TTC28: variants seen among roughly 807,000 people sequenced by gnomAD.
TTC28 encodes the protein tetratricopeptide repeat protein 28.
TTC28 carries 61 observed loss-of-function variants against 198.0 expected under a neutral mutation model. The ratio of observed to expected loss-of-function variants is 0.31; its 90% CI spans 0.25 to 0.38. The LOEUF (loss-of-function observed/expected upper bound fraction) is 0.38, where lower values mean the gene tolerates loss of function less well. TTC28 is among the 10% of genes least tolerant of loss of function. The pLI is 1.00. For missense variants in TTC28, 2,678 were observed against 3,164.0 expected, an observed-to-expected ratio of 0.85 and a Z score of 3.69; for synonymous variants, 1,171 against 1,297.8, an observed-to-expected ratio of 0.90 and a Z score of 2.10.
chr22:28,580,929 T>A (rs1302404053), intron 2 of TTC28, among the ~76,000 whole-genome samples: 4 of 152,122 alleles, frequency 2.6e-5, no homozygotes, highest in Non-Finnish European at 5.9e-5. Context: ...TCAAATACTC[T>A]CATTCTATTA....
intron 2 of TTC28, among the ~76,000 whole-genome samples, chr22:28,385,365 T>C (rs1345946343): frequency 6.6e-6 from 1 of 150,408 alleles, no homozygotes; most frequent in Admixed American, 6.6e-5. Context: ...CCCAAGTAGC[T>C]AGGATTACAA....
At chr22:28,078,285 A>C (rs1016052306) in intron 12 of TTC28, among the ~76,000 whole-genome samples, 1 of 152,158 alleles carries the variant, frequency 6.6e-6, no homozygotes, top group South Asian at 2.1e-4. Flanking sequence ...GTGTCTCCCA[A>C]GGCATAGAGA....
At chr22:28,145,999 G>T (rs1943461439) in intron 6 of TTC28, among the ~76,000 whole-genome samples, 1 of 152,188 alleles carries the variant, frequency 6.6e-6, no homozygotes, top group Non-Finnish European at 1.5e-5. Context: ...AAGCGGCATA[G>T]TTAGGATCTA....
chr22:28,341,997 A>T (rs1189439892), intron 2 of TTC28, among the ~76,000 whole-genome samples: 1 of 152,046 alleles, frequency 6.6e-6, no homozygotes, highest in Non-Finnish European at 1.5e-5. Context: ...ACAGAAAAAA[A>T]TTTAAAAAAC....
intron 2 of TTC28, among the ~76,000 whole-genome samples, chr22:28,373,921 G>A (rs910860179): frequency 2.6e-5 from 4 of 152,142 alleles, no homozygotes; most frequent in Admixed American, 6.5e-5. Context: ...AATGGGAAAC[G>A]TCCATCCTTT....
intron 2 of TTC28, among the ~76,000 whole-genome samples, chr22:28,455,268 A>C (rs1398052728): frequency 6.6e-6 from 1 of 152,250 alleles, no homozygotes; most frequent in Non-Finnish European, 1.5e-5. Flanking sequence ...TCACACTTCC[A>C]AAACACTACT....
At chr22:28,361,273 A>G (rs1297074093) in intron 2 of TTC28, among the ~76,000 whole-genome samples, 3 of 152,190 alleles carry the variant, frequency 2.0e-5, no homozygotes, top group Admixed American at 2.0e-4. Flanking sequence ...CTGAACAGCC[A>G]AGTTATGAAT....
At chr22:28,631,739 TG>T (rs2051176757) in intron 1 of TTC28, among the ~76,000 whole-genome samples, 1 of 152,098 alleles carries the variant, frequency 6.6e-6, no homozygotes, top group South Asian at 2.1e-4. Context: ...TTGCCGAGGC[TG>T]GTCTCAAACT....
chr22:28,269,319 G>A (rs1422485064), intron 5 of TTC28, among the ~76,000 whole-genome samples: 1 of 151,976 alleles, frequency 6.6e-6, no homozygotes, highest in East Asian at 1.9e-4. Context: ...CGGGAAGTGT[G>A]CCCAACGAGA....
In TTC28 at chr22:28,663,475, C is replaced by T. The variant is rs367641157; in HGVS notation, c.102+16147G>A. ...CGAGCCGAAGCAGGGCGAGGCATTG[C>T]CTCACCTGGGAAGCGCAAGGGGTCA... On this transcript the variant is annotated intron_variant, in intron 1 of 22. Transcript: ENST00000397906. Among the ~76,000 whole-genome samples the T allele has an allele frequency of 6.2e-5, 9 of 144,054 alleles. No homozygotes were observed. The East Asian group carries it at 1.4e-3, about 23-fold the overall frequency. The allele number at this position is 144,054 out of a possible 152,430, so 94.5% of individuals were successfully genotyped here.
chr22:28,046,444 AT>A (rs1273665576), intron 12 of TTC28, among the ~76,000 whole-genome samples: 6 of 152,226 alleles, frequency 3.9e-5, no homozygotes. Flanking sequence ...AATGTTAAGT[AT>A]TTGTGTATCT....
At position 28,658,078 on chromosome 22, in the gene TTC28, G is replaced by C. The variant is rs151169284; in HGVS notation, c.102+21544C>G. Among the ~76,000 whole-genome samples, 340 of 152,178 alleles carry C rather than the reference G, an allele frequency of 2.2e-3. 1 individual carries two copies. The highest frequency in any genetic ancestry group is 4.1e-3 in the Non-Finnish European group (281 of 68,012). On this transcript the variant is annotated intron_variant, in intron 1 of 22. Coordinates refer to ENST00000397906, the MANE Select transcript of TTC28 (RefSeq NM_001145418.2). Reference sequence around the variant, plus strand: ...TATGCATTTCTAGTGTCATGATTAAGGATTCAGAATTACAAAAGGCCAATG... The same window carrying C: ...TATGCATTTCTAGTGTCATGATTAACGATTCAGAATTACAAAAGGCCAATG...
intron 2 of TTC28, among the ~76,000 whole-genome samples, chr22:28,319,441 C>T (rs1231263805): frequency 6.6e-6 from 1 of 152,022 alleles, no homozygotes; most frequent in African/African-American, 2.4e-5. Context: ...CTTTGTATTT[C>T]CTCTTTTAAA....
chr22:28,466,820 T>TACAC (rs58512456), intron 2 of TTC28, among the ~76,000 whole-genome samples: 6,054 of 143,696 alleles, frequency 0.042, 168 homozygotes, highest in South Asian at 0.084. Context: ...TATACATACA[T>TACAC]ACACACACAC....
chr22:28,586,444 G>A (rs765713990), intron 2 of TTC28, among the ~76,000 whole-genome samples: 5 of 151,742 alleles, frequency 3.3e-5, no homozygotes, highest in Non-Finnish European at 5.9e-5. Flanking sequence ...GAGAACAACC[G>A]ATGGGGCAAG....
chr22:28,299,328 A>G (rs1175383338), intron 3 of TTC28, among the ~76,000 whole-genome samples: 3 of 152,172 alleles, frequency 2.0e-5, no homozygotes, highest in Non-Finnish European at 4.4e-5. Context: ...AATTTTTACA[A>G]TTTATGACTT....
At chr22:28,157,192 G>A (rs4822952) in intron 6 of TTC28, among the ~76,000 whole-genome samples, 26,894 of 152,030 alleles carry the variant, frequency 0.18, 2,811 homozygotes, top group Non-Finnish European at 0.23. Flanking sequence ...AATTAAGTTG[G>A]AAAATCTAGA....
intron 12 of TTC28, among the ~76,000 whole-genome samples, chr22:28,089,990 G>C (rs1048814965): frequency 6.6e-6 from 1 of 151,888 alleles, no homozygotes; most frequent in Non-Finnish European, 1.5e-5. Context: ...GAGAAGGATA[G>C]CATTAGGAGA....
chr22:28,378,092 A>C (rs937351370), intron 2 of TTC28, among the ~76,000 whole-genome samples: 1 of 152,210 alleles, frequency 6.6e-6, no homozygotes, highest in African/African-American at 2.4e-5. Context: ...CTATAATCCC[A>C]GCACCTGGGG....
Sources: gnomAD v4.1 joint callset for allele counts (sites outside exome capture counted in the v4.1 genomes callset) on GRCh38, gnomAD v4.1.1 for gene constraint, MANE v1.5 for transcripts, NCBI Gene and HGNC (gene_info 2026-07-23, HGNC 2026-07-21) for gene names.